MLEC: variants seen among roughly 807,000 people sequenced by gnomAD.
MLEC encodes the protein oligosaccharyltransferase complex subunit (non-catalytic).
MLEC carries 7 observed loss-of-function variants against 28.7 expected under a neutral mutation model. That is an observed-to-expected ratio of 0.24 (90% confidence interval 0.14 to 0.46). The LOEUF (loss-of-function observed/expected upper bound fraction) is 0.46, where lower values mean the gene tolerates loss of function less well. MLEC is among the 20% of genes least tolerant of loss of function. The pLI, the probability that MLEC is intolerant of heterozygous loss-of-function variation, is 0.99. For missense variants in MLEC, 237 were observed against 391.1 expected, an observed-to-expected ratio of 0.61 and a Z score of 3.32; for synonymous variants, 142 against 164.4, an observed-to-expected ratio of 0.86 and a Z score of 1.04.
In MLEC at chr12:120,694,203, A is replaced by G; in HGVS notation, c.348A>G (p.Lys116=). The G allele has an allele frequency of 1.2e-6, 2 of 1,614,190 alleles. No homozygotes were observed. The highest frequency in any genetic ancestry group is 1.7e-6 in the Non-Finnish European group (2 of 1,180,028). ...EETFGYEVPI[K]EEGDYVLVLK... is the part of the protein sequence containing the mutation. ...CCTTTGGCTACGAAGTGCCCATCAA[A>G]GAGGAGGGGGACTACGTGCTGGTCT... is the stretch of plus-strand genomic sequence containing the variant. The change falls in exon 2 of 5, where the codon AAA becomes AAG. Residue 116 remains lysine (K), a synonymous_variant. Transcript: ENST00000228506. The surrounding 1 kb of genome is among the most constrained non-coding windows in gnomAD (Gnocchi z 4.5).
At chr12:120,689,799 T>C (rs576241706) in intron 1 of MLEC, among the ~76,000 whole-genome samples, 7 of 152,376 alleles carry the variant, frequency 4.6e-5, no homozygotes, top group African/African-American at 1.2e-4. Flanking sequence ...GCCTGTGATA[T>C]TGTTTCCAGC....
In MLEC at chr12:120,696,252, GCTTTTAAGGGTCTCT is replaced by G; in HGVS notation, c.650-60_650-46del. ...ATCTCTTTATTGTGGCTTATTTGCT[GCTTTTAAGGGTCTCT>G]CTTACTTAAATGCTGTGGGTCTTAA... On this transcript the variant is annotated intron_variant, in intron 4 of 4. Transcript: ENST00000228506. The surrounding 1 kb of genome is among the most constrained non-coding windows in gnomAD (Gnocchi z 5.4). 6.3e-7 allele frequency: 1 copy of G among 1,580,752 alleles called. No homozygotes were observed. The highest frequency in any genetic ancestry group is 1.2e-5 in the South Asian group (1 of 84,674).
intron 1 of MLEC, among the ~76,000 whole-genome samples, chr12:120,688,057 A>G (rs1030563278): frequency 6.6e-6 from 1 of 152,140 alleles, no homozygotes; most frequent in Non-Finnish European, 1.5e-5. Context: ...AGCGAAGAAT[A>G]TGTGTGCTTA....
chr12:120,689,194 T>C (rs887857810), intron 1 of MLEC, among the ~76,000 whole-genome samples: 1 of 143,146 alleles, frequency 7.0e-6, no homozygotes, highest in African/African-American at 2.8e-5. Context: ...TTTAATTTGC[T>C]GATGCAGGTG....
At position 120,697,595 on chromosome 12, in the gene MLEC, T is replaced by TA. The variant is rs1299322563; in HGVS notation, c.*1054dup. 6.5e-6 allele frequency: 1 copy of TA among 152,676 alleles called. No homozygotes were observed. The highest frequency in any genetic ancestry group is 1.5e-5 in the Non-Finnish European group (1 of 68,062). 9.5% of individuals were successfully genotyped at this position (152,676 alleles called of 1,614,324 possible). On this transcript the variant is annotated 3_prime_UTR_variant, in exon 5 of 5. Coordinates refer to ENST00000228506, the MANE Select transcript of MLEC (RefSeq NM_014730.4). The surrounding 1 kb of genome is among the most constrained non-coding windows in gnomAD (Gnocchi z 4.8). ...CCTGCAGCAACAGAACACTTGACCT[T>TA]AAAAGTCTCTTCTGGTCTTTGGATT...
intron 1 of MLEC, among the ~76,000 whole-genome samples, chr12:120,691,816 C>T (rs571245935): frequency 3.9e-5 from 6 of 151,900 alleles, no homozygotes; most frequent in Non-Finnish European, 7.4e-5. Flanking sequence ...CTGAGACTGC[C>T]GCAGATTACG....
intron 1 of MLEC, among the ~76,000 whole-genome samples, chr12:120,689,165 C>G (rs1186672520): frequency 6.6e-6 from 1 of 151,986 alleles, no homozygotes; most frequent in East Asian, 1.9e-4. Context: ...AGATACTGCC[C>G]TTATTCAGAA....
chr12:120,696,694 G>A lies in MLEC; in HGVS notation c.*149G>A, dbSNP rs912108804. The A allele has an allele frequency of 2.5e-5, 30 of 1,215,392 alleles. No homozygotes were observed. The Admixed American group carries it at 7.6e-4, about 31-fold the overall frequency. 75.3% of individuals were successfully genotyped at this position (1,215,392 alleles called of 1,614,324 possible). ...ATTAAAGGAGACAAAAAGAGGCAGA[G>A]CGAGTAGAGAGCAGCCCTCATTCAC... On this transcript the variant is annotated 3_prime_UTR_variant, in exon 5 of 5. Transcript: ENST00000228506. This position sits in a 1 kb window ranked among gnomAD's most constrained non-coding sequence, Gnocchi z 5.4.
In MLEC at chr12:120,699,514, G is replaced by C. The variant is rs1264796639; in HGVS notation, c.*2969G>C. 1 of 152,294 alleles carries C rather than the reference G, an allele frequency of 6.6e-6. No individual in the cohort carries two copies. The highest frequency in any genetic ancestry group is 1.5e-5 in the Non-Finnish European group (1 of 68,070). 9.4% of individuals were successfully genotyped at this position (152,294 alleles called of 1,614,324 possible). A position where few individuals can be genotyped will look rare whatever the true frequency, so the allele number is the denominator to read the frequency against. On this transcript the variant is annotated 3_prime_UTR_variant, in exon 5 of 5. Coordinates refer to ENST00000228506, the MANE Select transcript of MLEC (RefSeq NM_014730.4). Reference sequence around the variant, plus strand: ...TAGCTCTGACTTAGGTCAGGGGCCTGTTGGTCTCTCATTGGACGTTTTTGG... The same window carrying C: ...TAGCTCTGACTTAGGTCAGGGGCCTCTTGGTCTCTCATTGGACGTTTTTGG...
chr12:120,694,885 T>C lies in MLEC; in HGVS notation c.476T>C (p.Val159Ala). Residue 159 changes from valine to alanine, a missense_variant, in exon 3 of 5, where the codon GTT becomes GCT. Physicochemically the swap from Val to Ala is moderately conservative, Grantham distance 64. Coordinates refer to ENST00000228506, the MANE Select transcript of MLEC (RefSeq NM_014730.4). This position sits in a 1 kb window ranked among gnomAD's most constrained non-coding sequence, Gnocchi z 4.5. ...AAGGACTTGGATATCTTTGATCGTG[T>C]TGGGCATAGCACAGCTCACGATGAA... The part of the protein sequence containing the change: ...VVKDLDIFDR[V>A]GHSTAHDEII... The C allele has an allele frequency of 1.2e-6, 2 of 1,614,176 alleles. No homozygotes were observed. The highest frequency in any genetic ancestry group is 1.7e-6 in the Non-Finnish European group (2 of 1,180,010).
At chr12:120,690,830 C>G (rs1814851) in intron 1 of MLEC, among the ~76,000 whole-genome samples, 90,584 of 152,066 alleles carry the variant, frequency 0.6, 29,734 homozygotes, top group African/African-American at 0.88. Flanking sequence ...AAAGCCATGG[C>G]AGTTGTTTAG....
At position 120,698,442 on chromosome 12, in the gene MLEC, A is replaced by G. The variant is rs73409923; in HGVS notation, c.*1897A>G. On this transcript the variant is annotated 3_prime_UTR_variant, in exon 5 of 5. Transcript: ENST00000228506. ...GGCCCGAGGCTGCAGTCAGAGGTAT[A>G]CTTCCCATAGTGCTTCACACAGCTC... 0.1 allele frequency: 15,389 copies of G among 152,202 alleles called. 2,024 individuals carry two copies. Among genetic ancestry groups the G allele is most frequent in the African/African-American group, 0.3 (12,497 of 41,422 alleles). 9.4% of individuals were successfully genotyped at this position (152,202 alleles called of 1,614,324 possible).
intron 1 of MLEC, among the ~76,000 whole-genome samples, chr12:120,688,062 T>G (rs764032364): frequency 1.2e-4 from 19 of 152,208 alleles, no homozygotes; most frequent in Non-Finnish European, 1.5e-4. Context: ...AGAATATGTG[T>G]GCTTAAAAGT....
rs1177833337 is a variant in MLEC, at chr12:120,696,749, G to A, written c.*204G>A. 18 of 691,350 alleles carry A rather than the reference G, an allele frequency of 2.6e-5. No individual in the cohort carries two copies. The South Asian group carries it at 3.0e-4, about 11-fold the overall frequency. The allele number at this position is 691,350 out of a possible 1,614,324, so 42.8% of individuals were successfully genotyped here. The stretch of plus-strand genomic sequence containing the variant: ...TGGTCCCAGACGTGCTTCAGTCCTC[G>A]TCCTCTCTTTGTGGCTGGCTCCCAG... On this transcript the variant is annotated 3_prime_UTR_variant, in exon 5 of 5. Transcript: ENST00000228506. This position sits in a 1 kb window ranked among gnomAD's most constrained non-coding sequence, Gnocchi z 5.4.
chr12:120,696,262 GTC>G lies in MLEC; in HGVS notation c.650-48_650-47del, dbSNP rs2137420729. ...TGTGGCTTATTTGCTGCTTTTAAGG[GTC>G]TCTCTTACTTAAATGCTGTGGGTCT... On this transcript the variant is annotated intron_variant, in intron 4 of 4. Transcript: ENST00000228506. This position sits in a 1 kb window ranked among gnomAD's most constrained non-coding sequence, Gnocchi z 5.4. The G allele has an allele frequency of 1.3e-6, 2 of 1,594,840 alleles. No individual in the cohort carries two copies. Among genetic ancestry groups the G allele is most frequent in the East Asian group, 2.2e-5 (1 of 44,728 alleles).
Position 120,687,406 on chromosome 12 carries a change from C to T in MLEC, c.110C>T (p.Ala37Val). 2 of 1,389,796 alleles carry T rather than the reference C, an allele frequency of 1.4e-6. No homozygotes were observed. Among genetic ancestry groups the T allele is most frequent in the Admixed American group, 3.2e-5 (1 of 31,628 alleles). The allele number at this position is 1,389,796 out of a possible 1,614,324, so 86.1% of individuals were successfully genotyped here. A position where few individuals can be genotyped will look rare whatever the true frequency, so the allele number is the denominator to read the frequency against. Residue 37 changes from alanine (A) to valine (V), a missense_variant, in exon 1 of 5, where the codon GCC becomes GTC. Coordinates refer to ENST00000228506, the MANE Select transcript of MLEC (RefSeq NM_014730.4). This position sits in a 1 kb window ranked among gnomAD's most constrained non-coding sequence, Gnocchi z 8.1. ...RGPGLGVAGV[A>V]GAAGAGLPES... Reference sequence around the variant, plus strand: ...CCCGGGCTCGGCGTGGCCGGCGTGGCCGGCGCGGCGGGGGCCGGGCTGCCC... The same window carrying T: ...CCCGGGCTCGGCGTGGCCGGCGTGGTCGGCGCGGCGGGGGCCGGGCTGCCC...
rs1295138163 is a variant in MLEC, at chr12:120,694,608, T to C, written c.415-216T>C. 2.0e-5 allele frequency among the ~76,000 whole-genome samples: 3 copies of C among 152,224 alleles called. No individual in the cohort carries two copies. The highest frequency in any genetic ancestry group is 4.4e-5 in the Non-Finnish European group (3 of 68,038). Reference sequence around the variant, plus strand: ...TATGCTAAGCTTTTTGTTTGTATTCTTTGTTCCTTAAAGCCAATATAAGAA... The same window carrying C: ...TATGCTAAGCTTTTTGTTTGTATTCCTTGTTCCTTAAAGCCAATATAAGAA... On this transcript the variant is annotated intron_variant, in intron 2 of 4. Coordinates refer to ENST00000228506, the MANE Select transcript of MLEC (RefSeq NM_014730.4). This position sits in a 1 kb window ranked among gnomAD's most constrained non-coding sequence, Gnocchi z 4.5.
chr12:120,689,025 C>T (rs556510493), intron 1 of MLEC, among the ~76,000 whole-genome samples: 1 of 152,308 alleles, frequency 6.6e-6, no homozygotes, highest in East Asian at 1.9e-4. Context: ...CTTGAGATAG[C>T]GGTGGTGAGG....
intron 1 of MLEC, among the ~76,000 whole-genome samples, chr12:120,692,132 C>T (rs1882060918): frequency 6.6e-6 from 1 of 152,290 alleles, no homozygotes; most frequent in African/African-American, 2.4e-5. Flanking sequence ...TGCACTCCAG[C>T]TTGGGCAACA....
Sources: allele counts gnomAD v4.1 joint callset (sites outside exome capture counted in the v4.1 genomes callset), GRCh38; gene constraint gnomAD v4.1.1; non-coding constraint Gnocchi (gnomAD v3.1); transcripts MANE v1.5; gene names NCBI Gene and HGNC (gene_info 2026-07-23, HGNC 2026-07-21).